SLC17A1: variants seen among roughly 807,000 people sequenced by gnomAD.
The protein encoded by SLC17A1 is sodium-dependent phosphate transport protein 1.
SLC17A1 carries 51 observed loss-of-function variants against 53.5 expected under a neutral mutation model. The observed-to-expected ratio is 0.95, with a 90% CI of 0.76 to 1.20. The LOEUF is 1.20. SLC17A1 is among the 50% of genes most tolerant of loss of function. The pLI is 0.00. For missense variants in SLC17A1, 538 were observed against 568.2 expected (o/e 0.95, Z 0.54); for synonymous variants, 179 against 198.8 (o/e 0.90, Z 0.84).
In SLC17A1 at chr6:25,811,210, C is replaced by T. The variant is rs559582129; in HGVS notation, c.1178+188G>A. 1.1e-3 allele frequency among the ~76,000 whole-genome samples: 164 copies of T among 152,060 alleles called. 1 individual carries two copies. The highest frequency in any genetic ancestry group is 3.4e-3 in the African/African-American group (143 of 41,474). On this transcript the variant is annotated intron_variant, in intron 10 of 12. Coordinates refer to ENST00000244527, the MANE Select transcript of SLC17A1 (RefSeq NM_005074.5). ...ACAATGTATTATATTCTTGAAAATT[C>T]CTAAGAGTAAATTTTGTGTTCCCAC...
chr6:25,819,189 T>G, intron 5 of SLC17A1, 35 bp from the exon 6 acceptor site: 14 of 1,419,338 alleles, frequency 9.9e-6, no homozygotes, highest in Non-Finnish European at 1.4e-5. Flanking sequence ...CCCTAATTAA[T>G]GCAGGCATCT....
intron 10 of SLC17A1, among the ~76,000 whole-genome samples, chr6:25,801,886 T>C (rs1392398698): frequency 1.3e-5 from 2 of 151,848 alleles, no homozygotes; most frequent in Non-Finnish European, 2.9e-5. Flanking sequence ...TGGGTAGGAT[T>C]AGAGTTGTCT....
chr6:25,814,990 A>C (rs75110987), intron 6 of SLC17A1, among the ~76,000 whole-genome samples: 6,735 of 51,412 alleles, frequency 0.13, 390 homozygotes, highest in African/African-American at 0.37. Flanking sequence ...CTGTCACACA[A>C]ACACACACAC....
chr6:25,750,355 A>G, the SLC17A1 span, among the ~76,000 whole-genome samples: 1 of 152,228 alleles, frequency 6.6e-6, no homozygotes, highest in Non-Finnish European at 1.5e-5. Context: ...AAAGTATAAT[A>G]AAACAAGACA....
rs752635481 is a variant in SLC17A1 at position 25,830,605 on chromosome 6, C to A, written c.-48G>T. 1.6e-5 allele frequency: 25 copies of A among 1,611,282 alleles called. No homozygotes were observed. Among genetic ancestry groups the A allele is most frequent in the Non-Finnish European group, 1.9e-5 (22 of 1,177,936 alleles). On this transcript the variant is annotated splice_region_variant and 5_prime_UTR_variant, in exon 2 of 13. Coordinates refer to ENST00000244527, the MANE Select transcript of SLC17A1 (RefSeq NM_005074.5). ...TCTTGCTGAAGGGTTTTGCCTCCAC[C>A]CACTGTGAGTGCAAAACACGTTGAT...
the SLC17A1 span, chr6:25,727,298 C>A: frequency 6.3e-7 from 1 of 1,581,042 alleles, no homozygotes; most frequent in Non-Finnish European, 8.6e-7. Context: ...AGTAAGCCTG[C>A]TAAGTAAACG....
chr6:25,726,135 C>T, the SLC17A1 span: 8 of 1,525,112 alleles, frequency 5.2e-6, no homozygotes, highest in Admixed American at 2.2e-5. Flanking sequence ...CCTTAAGTTA[C>T]TTGCTTTGGG....
At chr6:25,786,938 A>C (rs1425329662) in intron 12 of SLC17A1, among the ~76,000 whole-genome samples, 1 of 152,152 alleles carries the variant, frequency 6.6e-6, no homozygotes, top group Non-Finnish European at 1.5e-5. Flanking sequence ...TGACTAGCTA[A>C]ATTCCATATT....
At chr6:25,779,005 G>A (rs374330629), downstream of SLC17A1, 33 of 1,604,686 alleles carry the variant, frequency 2.1e-5, 2 homozygotes, top group African/African-American at 1.5e-4. Context: ...TGAACCAAGA[G>A]GGACAGGAAT....
At chr6:25,755,404 TAAG>T in the SLC17A1 span, among the ~76,000 whole-genome samples, 1 of 152,146 alleles carries the variant, frequency 6.6e-6, no homozygotes, top group African/African-American at 2.4e-5. Flanking sequence ...CTGTTTCTCA[TAAG>T]GAGGAAAAAT....
chr6:25,727,432 C>T, the SLC17A1 span: 2 of 712,920 alleles, frequency 2.8e-6, no homozygotes, highest in African/African-American at 3.6e-5. Context: ...GTCTCACTCT[C>T]CCAGGCTGGA....
At chr6:25,821,373 C>A (rs376231058) in intron 3 of SLC17A1, among the ~76,000 whole-genome samples, 1 of 152,086 alleles carries the variant, frequency 6.6e-6, no homozygotes, top group Non-Finnish European at 1.5e-5. Flanking sequence ...AAATAATAAC[C>A]AGTGAGGCAC....
chr6:25,771,143 C>A, the SLC17A1 span: 1 of 720,964 alleles, frequency 1.4e-6, no homozygotes, highest in Non-Finnish European at 2.4e-6. Flanking sequence ...GAGCCAACTA[C>A]ATTTAACATT....
chr6:25,729,060 A>C, the SLC17A1 span, among the ~76,000 whole-genome samples: 3 of 152,220 alleles, frequency 2.0e-5, no homozygotes, highest in African/African-American at 7.2e-5. Flanking sequence ...CAGGTATCAC[A>C]TAGCTGCCAA....
the SLC17A1 span, chr6:25,732,132 T>C: frequency 6.5e-5 from 38 of 580,408 alleles, no homozygotes; most frequent in South Asian, 7.6e-4. Flanking sequence ...TTTTCGGAAA[T>C]GGTAGTGCCC....
chr6:25,780,933 C>A (rs377601620), downstream of SLC17A1: 2 of 152,138 alleles, frequency 1.3e-5, no homozygotes, highest in Non-Finnish European at 1.5e-5. Context: ...ACACAGACAG[C>A]AACACAGATA....
At position 25,811,667 on chromosome 6, in the gene SLC17A1, A is replaced by G. The variant is rs762855590; in HGVS notation, c.1001T>C (p.Ile334Thr). Residue 334 changes from isoleucine (I) to threonine (T), a missense_variant, in exon 9 of 13, where the codon ATT (isoleucine) becomes ACT (threonine). Transcript: ENST00000244527. ...FFLTRNILSVIAVRKLFTAAG... is the reference protein window; with the variant it reads ...FFLTRNILSVTAVRKLFTAAG... The stretch of plus-strand genomic sequence containing the variant: ...TGCTGTGAAGAGTTTCCGGACAGCA[A>G]TTACGCTGAGAATATTCCTGGTCAG... 2.5e-6 allele frequency: 4 copies of G among 1,613,820 alleles called. No individual in the cohort carries two copies. Among genetic ancestry groups the G allele is most frequent in the Non-Finnish European group, 3.4e-6 (4 of 1,179,876 alleles).
intron 10 of SLC17A1, among the ~76,000 whole-genome samples, chr6:25,804,235 C>G (rs1481421846): frequency 3.3e-5 from 5 of 152,124 alleles, no homozygotes; most frequent in Non-Finnish European, 7.4e-5. Context: ...GAGGTCTTAT[C>G]TAAGCTTCCT....
At chr6:25,744,054 T>C in the SLC17A1 span, among the ~76,000 whole-genome samples, 26 of 152,274 alleles carry the variant, frequency 1.7e-4, no homozygotes, top group Admixed American at 7.8e-4. Flanking sequence ...TTGAAGGCAC[T>C]AGGGTGTGGC....
Sources: gnomAD v4.1 joint callset for allele counts (sites outside exome capture counted in the v4.1 genomes callset) on GRCh38, gnomAD v4.1.1 for gene constraint, MANE v1.5 for transcripts, NCBI Gene and HGNC (gene_info 2026-07-23, HGNC 2026-07-21) for gene names.